The following GPRC5B variants were observed in gnomAD, a reference collection of about 807,000 sequenced individuals.
GPRC5B encodes G protein-coupled receptor family C group 5 member B.
A neutral mutation model predicts 30.1 loss-of-function variants in GPRC5B; 16 were observed. The ratio of observed to expected loss-of-function variants is 0.53; its 90% CI spans 0.36 to 0.81. The LOEUF (loss-of-function observed/expected upper bound fraction) is 0.81, where lower values mean the gene tolerates loss of function less well. Among genes scored for constraint, GPRC5B ranks in the 30% least tolerant of loss-of-function variants. The pLI, the probability that GPRC5B is intolerant of heterozygous loss-of-function variation, is 0.01. For synonymous variants in GPRC5B, 241 were observed against 239.5 expected (o/e 1.01, Z -0.06); for missense variants, 428 against 544.7 (o/e 0.79, Z 2.13).
intron 1 of GPRC5B, among the ~76,000 whole-genome samples, chr16:19,874,396 C>T (rs2056745580): frequency 6.6e-6 from 1 of 152,192 alleles, no homozygotes; most frequent in Non-Finnish European, 1.5e-5. Flanking sequence ...TCCACCACAG[C>T]CTCTGGTCTA....
At chr16:19,862,025 T>C (rs1394381339) in intron 2 of GPRC5B, 52 bp from the exon 3 acceptor site, 1 of 1,600,546 alleles carries the variant, frequency 6.2e-7, no homozygotes. Context: ...AAGACACAAT[T>C]TTGTTTTCTT....
intron 2 of GPRC5B, among the ~76,000 whole-genome samples, chr16:19,871,548 G>A (rs2141145101): frequency 6.6e-6 from 1 of 152,330 alleles, no homozygotes; most frequent in Non-Finnish European, 1.5e-5. Context: ...CTTGAACCCA[G>A]GAGGCGGAGG....
chr16:19,882,635 A>G (rs1180063555), intron 1 of GPRC5B, among the ~76,000 whole-genome samples: 3 of 152,098 alleles, frequency 2.0e-5, no homozygotes, highest in Non-Finnish European at 2.9e-5. Flanking sequence ...CAGAATGGAA[A>G]GGGGGGCTAT....
chr16:19,877,466 T>C (rs1238470952), intron 1 of GPRC5B, among the ~76,000 whole-genome samples: 2 of 152,114 alleles, frequency 1.3e-5, no homozygotes, highest in East Asian at 1.9e-4. Context: ...ACCCACTCCA[T>C]AGGACAATGT....
At position 19,857,116 on chromosome 16, in the gene GPRC5B, C is replaced by T. The variant is rs1176492968; in HGVS notation, c.*3384G>A. ...ACAAAGGATTTTTGTTGTCTAAGTC[C>T]CAAAGTATTATATAGAAAGTTCCTG... is the stretch of plus-strand genomic sequence containing the variant. On this transcript the variant is annotated 3_prime_UTR_variant, in exon 4 of 4. Coordinates refer to ENST00000300571, the MANE Select transcript of GPRC5B (RefSeq NM_016235.3). 1 of 185,106 alleles carries T rather than the reference C, an allele frequency of 5.4e-6. No individual in the cohort carries two copies. Among genetic ancestry groups the T allele is most frequent in the African/African-American group, 2.4e-5 (1 of 41,616 alleles). The allele number at this position is 185,106 out of a possible 1,614,324, so 11.5% of individuals were successfully genotyped here. A position where few individuals can be genotyped will look rare whatever the true frequency, so the allele number is the denominator to read the frequency against.
At chr16:19,869,050 C>T (rs192091283) in intron 2 of GPRC5B, among the ~76,000 whole-genome samples, 250 of 152,128 alleles carry the variant, frequency 1.6e-3, no homozygotes, top group Non-Finnish European at 2.8e-3. Flanking sequence ...TAATAGTGGC[C>T]GGGCGCAGTG....
In GPRC5B at chr16:19,857,253, A is replaced by T. The variant is rs11861066; in HGVS notation, c.*3247T>A. ...CTCAAGGCAGATCCGAAAGCCTAGT[A>T]GTTAGTTGCACTGGGTTGTTTTGAC... On this transcript the variant is annotated 3_prime_UTR_variant, in exon 4 of 4. Transcript: ENST00000300571. 9.1e-3 allele frequency: 2,890 copies of T among 317,732 alleles called. 67 individuals are homozygous for T. The highest frequency in any genetic ancestry group is 0.061 in the African/African-American group (2,668 of 43,876). 19.7% of individuals were successfully genotyped at this position (317,732 alleles called of 1,614,324 possible).
chr16:19,878,281 G>A (rs2056775822), intron 1 of GPRC5B, among the ~76,000 whole-genome samples: 1 of 151,834 alleles, frequency 6.6e-6, no homozygotes, highest in African/African-American at 2.4e-5. Flanking sequence ...TGATATCTTT[G>A]TAGCGTGTAC....
intron 2 of GPRC5B, among the ~76,000 whole-genome samples, chr16:19,870,015 C>T (rs1295873466): frequency 6.6e-6 from 1 of 152,130 alleles, no homozygotes; most frequent in Non-Finnish European, 1.5e-5. Flanking sequence ...GTCAAGGCTG[C>T]AGTGAACTGT....
chr16:19,878,181 A>T (rs914360610), intron 1 of GPRC5B, among the ~76,000 whole-genome samples: 1 of 142,852 alleles, frequency 7.0e-6, no homozygotes, highest in Non-Finnish European at 1.5e-5. Context: ...CCTGGGCAAC[A>T]GAGTGAGACT....
chr16:19,859,605 C>T lies in GPRC5B; in HGVS notation c.*895G>A, dbSNP rs1440859412. 2 of 152,314 alleles carry T rather than the reference C, an allele frequency of 1.3e-5. No individual in the cohort carries two copies. The highest frequency in any genetic ancestry group is 4.8e-5 in the African/African-American group (2 of 41,460). The allele number at this position is 152,314 out of a possible 1,614,324, so 9.4% of individuals were successfully genotyped here. A position where few individuals can be genotyped will look rare whatever the true frequency, so the allele number is the denominator to read the frequency against. ...CCAACCTGCCTCCCGGAGGGGCTTT[C>T]AGCTGGAGACCCCATTGGAGCTCTT... On this transcript the variant is annotated 3_prime_UTR_variant, in exon 4 of 4. Coordinates refer to ENST00000300571, the MANE Select transcript of GPRC5B (RefSeq NM_016235.3).
intron 1 of GPRC5B, among the ~76,000 whole-genome samples, chr16:19,882,816 C>G (rs2141155206): frequency 6.6e-6 from 1 of 152,302 alleles, no homozygotes; most frequent in East Asian, 1.9e-4. Context: ...ATCCCCACCC[C>G]CAAATCTGCC....
chr16:19,876,801 C>T (rs1048757303), intron 1 of GPRC5B, among the ~76,000 whole-genome samples: 11 of 152,232 alleles, frequency 7.2e-5, no homozygotes. Flanking sequence ...TCTTCCGGGA[C>T]AGCTGTTGTT....
intron 2 of GPRC5B, 112 bp from the exon 3 acceptor site, chr16:19,862,085 G>T: frequency 1.2e-6 from 1 of 863,090 alleles, no homozygotes; most frequent in Non-Finnish European, 1.8e-6. Context: ...CCAACCCAGT[G>T]GCTCCTCCCC....
chr16:19,885,268 A>T (rs903263664), upstream of GPRC5B: 3 of 1,284,690 alleles, frequency 2.3e-6, no homozygotes, highest in East Asian at 5.6e-5. This position sits in a 1 kb window ranked among gnomAD's most constrained non-coding sequence, Gnocchi z 5.3. Context: ...CCACGCTCCA[A>T]GGGGGGTTCA....
rs3748405 is a variant in GPRC5B, at chr16:19,858,854, T to C, written c.*1646A>G. 0.32 allele frequency: 92,773 copies of C among 290,578 alleles called. 15,968 individuals are homozygous for C. The highest frequency in any genetic ancestry group is 0.55 in the East Asian group (9,662 of 17,616). The allele number at this position is 290,578 out of a possible 1,614,324, so 18.0% of individuals were successfully genotyped here. On this transcript the variant is annotated 3_prime_UTR_variant, in exon 4 of 4. Transcript: ENST00000300571. Reference sequence around the variant, plus strand: ...CCATGCGTGGTAACACAAGGAAATGTACTAACTGTTAAGGAAAACTCGAAG... The same window carrying C: ...CCATGCGTGGTAACACAAGGAAATGCACTAACTGTTAAGGAAAACTCGAAG...
chr16:19,858,864 TA>T lies in GPRC5B; in HGVS notation c.*1635del. On this transcript the variant is annotated 3_prime_UTR_variant, in exon 4 of 4. Coordinates refer to ENST00000300571, the MANE Select transcript of GPRC5B (RefSeq NM_016235.3). The stretch of plus-strand genomic sequence containing the variant: ...TAACACAAGGAAATGTACTAACTGT[TA>T]AGGAAAACTCGAAGGCGGGTCACAC... 1 of 263,412 alleles carries T rather than the reference TA, an allele frequency of 3.8e-6. No homozygotes were observed. The highest frequency in any genetic ancestry group is 6.8e-5 in the East Asian group (1 of 14,810). 16.3% of individuals were successfully genotyped at this position (263,412 alleles called of 1,614,324 possible). A position where few individuals can be genotyped will look rare whatever the true frequency, so the allele number is the denominator to read the frequency against.
chr16:19,862,168 A>C, intron 2 of GPRC5B, 195 bp from the exon 3 acceptor site: 1 of 555,822 alleles, frequency 1.8e-6, no homozygotes, highest in East Asian at 3.1e-5. Flanking sequence ...AGCCTGACCC[A>C]TCTCAGTGGG....
intron 1 of GPRC5B, among the ~76,000 whole-genome samples, chr16:19,876,606 C>T (rs1210770387): frequency 6.6e-6 from 1 of 152,198 alleles, no homozygotes; most frequent in Non-Finnish European, 1.5e-5. Context: ...ACTTCCTGCT[C>T]AGCCATGCAG....
Sources: allele counts gnomAD v4.1 joint callset (sites outside exome capture counted in the v4.1 genomes callset), GRCh38; gene constraint gnomAD v4.1.1; non-coding constraint Gnocchi (gnomAD v3.1); transcripts MANE v1.5; gene names NCBI Gene and HGNC (gene_info 2026-07-23, HGNC 2026-07-21).